ABCC4: variants seen among roughly 807,000 people sequenced by gnomAD.
ABCC4 encodes ATP binding cassette subfamily C member 4 (PEL blood group), also known as ATP-binding cassette sub-family C member 4.
In ABCC4, 102 loss-of-function variants were observed where a neutral mutation model predicts 168.5. The observed-to-expected ratio is 0.61, with a 90% CI of 0.52 to 0.71. The LOEUF (loss-of-function observed/expected upper bound fraction) is 0.71, where lower values mean the gene tolerates loss of function less well. Ranked by LOEUF, ABCC4 falls within the 30% of genes least tolerant of loss-of-function variation. The probability of loss-of-function intolerance (pLI) is 0.00; values close to 1 mark genes in which losing one functional copy is unlikely to be tolerated. For synonymous variants in ABCC4, 617 were observed against 590.7 expected (o/e 1.04, Z -0.65); for missense variants, 1,402 against 1,605.8 (o/e 0.87, Z 2.17).
At chr13:95,219,416 C>G (rs908923660) in intron 4 of ABCC4, among the ~76,000 whole-genome samples, 1 of 152,120 alleles carries the variant, frequency 6.6e-6, no homozygotes, top group African/African-American at 2.4e-5. Context: ...GGGACAAATA[C>G]ATGGTCTAGG....
At chr13:95,123,397 C>G (rs1257385519) in intron 19 of ABCC4, among the ~76,000 whole-genome samples, 1 of 152,188 alleles carries the variant, frequency 6.6e-6, no homozygotes, top group East Asian at 1.9e-4. Context: ...AAGTCTCACT[C>G]TGTTGCCCAG....
At chr13:95,048,791 C>T (rs1318849628) in intron 27 of ABCC4, among the ~76,000 whole-genome samples, 1 of 152,160 alleles carries the variant, frequency 6.6e-6, no homozygotes, top group East Asian at 1.9e-4. Context: ...TTGTAGATCC[C>T]AGTATTAAAG....
chr13:95,268,985 G>A (rs2040766212), intron 1 of ABCC4, among the ~76,000 whole-genome samples: 1 of 152,206 alleles, frequency 6.6e-6, no homozygotes, highest in African/African-American at 2.4e-5. Context: ...CAGGTGTGGA[G>A]GGGAAGGCCA....
intron 14 of ABCC4, among the ~76,000 whole-genome samples, chr13:95,168,318 G>C (rs1215471349): frequency 6.6e-6 from 1 of 152,152 alleles, no homozygotes; most frequent in Non-Finnish European, 1.5e-5. Context: ...CCCTATTCCT[G>C]GGGGAGTGGG....
rs180917487 is a variant in ABCC4 at position 95,162,007 on chromosome 13, T to C, written c.2309-672A>G. On this transcript the variant is annotated intron_variant, in intron 18 of 30. Transcript: ENST00000645237. ...CATGAATGAGGATCCATTATTCACATAGAAATTAAAAGAGCTTTCCTAACA... is the reference window on the plus strand; with the variant it reads ...CATGAATGAGGATCCATTATTCACACAGAAATTAAAAGAGCTTTCCTAACA... Among the ~76,000 whole-genome samples the C allele has an allele frequency of 3.1e-4, 47 of 152,328 alleles. No individual in the cohort carries two copies. The East Asian group carries it at 7.5e-3, about 24-fold the overall frequency.
At chr13:95,124,278 G>A (rs1307128259) in intron 19 of ABCC4, among the ~76,000 whole-genome samples, 2 of 152,174 alleles carry the variant, frequency 1.3e-5, no homozygotes, top group Non-Finnish European at 2.9e-5. Flanking sequence ...GCTTCTGCCT[G>A]TGTGTGCACA....
chr13:95,075,731 A>C, intron 21 of ABCC4, 180 bp from the exon 22 acceptor site: 11 of 695,746 alleles, frequency 1.6e-5, no homozygotes, highest in Non-Finnish European at 2.3e-5. Flanking sequence ...CTGGAATCTC[A>C]AGCTCCTGCT....
chr13:95,154,189 A>T (rs1371120329), intron 19 of ABCC4, among the ~76,000 whole-genome samples: 1 of 152,130 alleles, frequency 6.6e-6, no homozygotes, highest in East Asian at 1.9e-4. Flanking sequence ...ATGAAAGGGG[A>T]AATGTGTGTT....
rs540235989 is a variant in ABCC4, at chr13:95,063,004, C to A, written c.3211-145G>T. 35 of 949,854 alleles carry A rather than the reference C, an allele frequency of 3.7e-5. No individual in the cohort carries two copies. In the East Asian group the frequency reaches 8.7e-4, roughly 24 times the overall value. The allele number at this position is 949,854 out of a possible 1,614,324, so 58.8% of individuals were successfully genotyped here. A position where few individuals can be genotyped will look rare whatever the true frequency, so the allele number is the denominator to read the frequency against. Reference sequence around the variant, plus strand: ...TAGTCTAAGAGTTTCCCAACCTCAGCACTGATGACCTTCTGAGCTGGATAC... The same window carrying A: ...TAGTCTAAGAGTTTCCCAACCTCAGAACTGATGACCTTCTGAGCTGGATAC... On this transcript the variant is annotated intron_variant, in intron 25 of 30. Transcript: ENST00000645237.
intron 5 of ABCC4, among the ~76,000 whole-genome samples, chr13:95,209,961 C>A (rs541249203): frequency 6.6e-6 from 1 of 152,348 alleles, no homozygotes; most frequent in South Asian, 2.1e-4. Flanking sequence ...ACAGTGCCCA[C>A]CACATACTCC....
At chr13:95,293,466 A>G (rs557720846) in intron 1 of ABCC4, among the ~76,000 whole-genome samples, 16 of 152,088 alleles carry the variant, frequency 1.1e-4, no homozygotes, top group Admixed American at 6.6e-4. Flanking sequence ...ACTGCTGGAC[A>G]CACGGACTAT....
At chr13:95,163,333 G>T in intron 17 of ABCC4, 117 bp from the exon 18 acceptor site, 1 of 739,838 alleles carries the variant, frequency 1.4e-6, no homozygotes. Flanking sequence ...ATGATTCTCA[G>T]CTCACTTAGT....
intron 19 of ABCC4, among the ~76,000 whole-genome samples, chr13:95,118,922 G>A (rs991608721): frequency 1.3e-5 from 2 of 152,186 alleles, no homozygotes; most frequent in African/African-American, 4.8e-5. Context: ...ACTACTTGAA[G>A]AAAGTTAATC....
At chr13:95,266,561 T>A (rs2040679801) in intron 1 of ABCC4, among the ~76,000 whole-genome samples, 1 of 152,212 alleles carries the variant, frequency 6.6e-6, no homozygotes, top group African/African-American at 2.4e-5. Flanking sequence ...ATGGGAAAAC[T>A]CAGGCATATG....
intron 9 of ABCC4, among the ~76,000 whole-genome samples, chr13:95,192,482 G>A (rs1278679714): frequency 5.3e-5 from 8 of 152,138 alleles, no homozygotes; most frequent in Non-Finnish European, 1.2e-4. Context: ...TTACAATATC[G>A]CAGGGTTTGG....
At position 95,207,924 on chromosome 13, in the gene ABCC4, T is replaced by C. The variant is rs553327392; in HGVS notation, c.787A>G (p.Ser263Gly). ...GCATCCGTGAAAGTTGCAGTTTTAC[T>C]CCTAAGGGGAACCAGACACGGGAGA... The part of the protein sequence containing the change: ...CFGKLFSSLR[S>G]KTATFTDARI... Residue 263 changes from serine to glycine, a missense_variant and splice_region_variant, in exon 7 of 31, where the codon AGT becomes GGT. Transcript: ENST00000645237. 2.5e-6 allele frequency: 4 copies of C among 1,613,326 alleles called. No homozygotes were observed. In the South Asian group the frequency reaches 4.4e-5, roughly 18 times the overall value.
chr13:95,035,071 C>T (rs1159662452), intron 29 of ABCC4, among the ~76,000 whole-genome samples: 1 of 152,076 alleles, frequency 6.6e-6, no homozygotes, highest in Admixed American at 6.6e-5. Context: ...AGACTCTCAG[C>T]CTTGAGGGGT....
intron 19 of ABCC4, among the ~76,000 whole-genome samples, chr13:95,139,576 G>C (rs1324172587): frequency 2.0e-5 from 3 of 152,164 alleles, no homozygotes; most frequent in Non-Finnish European, 4.4e-5. Flanking sequence ...GAAATAGCAC[G>C]CATATGTATA....
chr13:95,206,363 C>T (rs931105513), intron 8 of ABCC4, among the ~76,000 whole-genome samples, 169 bp downstream of exon 8: 30 of 152,106 alleles, frequency 2.0e-4, no homozygotes, highest in East Asian at 9.6e-4. Context: ...TTGTCTTTAC[C>T]GCGCTCTATC....
Sources: allele counts gnomAD v4.1 joint callset (sites outside exome capture counted in the v4.1 genomes callset), GRCh38; gene constraint gnomAD v4.1.1; transcripts MANE v1.5; gene names NCBI Gene and HGNC (gene_info 2026-07-23, HGNC 2026-07-21).